PTPRD: variants seen among roughly 807,000 people sequenced by gnomAD.
PTPRD encodes protein tyrosine phosphatase receptor type D, also known as receptor-type tyrosine-protein phosphatase delta.
In PTPRD, 34 loss-of-function variants were observed where a neutral mutation model predicts 214.5. That is an observed-to-expected ratio of 0.16 (90% CI 0.12 to 0.21). PTPRD has a LOEUF of 0.21. PTPRD is among the 10% of genes least tolerant of loss of function. The probability of loss-of-function intolerance (pLI) is 1.00; values close to 1 mark genes in which losing one functional copy is unlikely to be tolerated. For missense variants in PTPRD, 2,545 were observed against 2,398.7 expected, an observed-to-expected ratio of 1.06 and a Z score of -1.27; for synonymous variants, 1,128 against 845.7, an observed-to-expected ratio of 1.33 and a Z score of -5.79.
rs34798342 is a variant in PTPRD, at chr9:9,833,683, A to T, written c.-367-66832T>A. Among the ~76,000 whole-genome samples, 102 of 132,580 alleles carry T rather than the reference A, an allele frequency of 7.7e-4. 6 individuals carry two copies. In the South Asian group the frequency reaches 0.011, roughly 14 times the overall value. The allele number at this position is 132,580 out of a possible 152,430, so 87.0% of individuals were successfully genotyped here. A position where few individuals can be genotyped will look rare whatever the true frequency, so the allele number is the denominator to read the frequency against. On this transcript the variant is annotated intron_variant, in intron 5 of 45. Transcript: ENST00000381196. ...CATAAGAGACAGGTACGCTCCGGAG[A>T]GGGGGGCAGTTCAGAGACCTACCCC...
chr9:8,419,234 TA>T (rs367987989), intron 35 of PTPRD, among the ~76,000 whole-genome samples: 318 of 99,532 alleles, frequency 3.2e-3, no homozygotes, highest in Middle Eastern at 6.3e-3. Context: ...TCCAAAAAAT[TA>T]AAAAAAAAAA....
chr9:8,342,639 G>C (rs930187637), intron 39 of PTPRD, among the ~76,000 whole-genome samples: 1 of 151,958 alleles, frequency 6.6e-6, no homozygotes, highest in East Asian at 1.9e-4. Context: ...TCCTTCATTT[G>C]CTACATGCTA....
intron 11 of PTPRD, among the ~76,000 whole-genome samples, chr9:8,736,163 T>C (rs982881535): frequency 4.6e-5 from 7 of 152,134 alleles, no homozygotes; most frequent in African/African-American, 1.2e-4. Context: ...TTAAGAGTAA[T>C]GGTGGTACTG....
intron 9 of PTPRD, among the ~76,000 whole-genome samples, chr9:9,365,256 T>C (rs1031148004): frequency 1.3e-5 from 2 of 151,532 alleles, no homozygotes; most frequent in African/African-American, 4.8e-5. Context: ...ACCAGAGATA[T>C]TGACTAAGCC....
intron 11 of PTPRD, among the ~76,000 whole-genome samples, chr9:8,996,302 G>A (rs2099396401): frequency 6.6e-6 from 1 of 151,932 alleles, no homozygotes; most frequent in Admixed American, 6.6e-5. Flanking sequence ...AAACAAAAAT[G>A]AACTACTGAT....
At chr9:8,571,403 A>G (rs889877106) in intron 14 of PTPRD, among the ~76,000 whole-genome samples, 1 of 152,144 alleles carries the variant, frequency 6.6e-6, no homozygotes, top group Non-Finnish European at 1.5e-5. Context: ...ATTTAAAATA[A>G]TAACAAAAAC....
At chr9:8,944,886 T>C (rs1261758752) in intron 11 of PTPRD, among the ~76,000 whole-genome samples, 1 of 152,012 alleles carries the variant, frequency 6.6e-6, no homozygotes, top group Non-Finnish European at 1.5e-5. Flanking sequence ...TTTCAAATAA[T>C]TGAGGGAGTA....
chr9:10,528,185 T>C (rs1399297145), intron 2 of PTPRD, among the ~76,000 whole-genome samples: 2 of 152,090 alleles, frequency 1.3e-5, no homozygotes, highest in Non-Finnish European at 2.9e-5. Flanking sequence ...TTTCTTACTG[T>C]TCTCATCATG....
chr9:10,086,527 T>C (rs140676406), intron 3 of PTPRD, among the ~76,000 whole-genome samples: 24 of 151,942 alleles, frequency 1.6e-4, no homozygotes, highest in African/African-American at 5.8e-4. Flanking sequence ...GAAATCTCTG[T>C]CCCTTTCTAG....
intron 5 of PTPRD, among the ~76,000 whole-genome samples, chr9:9,934,345 G>A (rs1209282361): frequency 6.6e-6 from 1 of 150,424 alleles, no homozygotes; most frequent in African/African-American, 2.5e-5. Flanking sequence ...TAATAAAGAA[G>A]AAAAGAGAGA....
intron 10 of PTPRD, among the ~76,000 whole-genome samples, chr9:9,167,881 G>C (rs1036076737): frequency 2.0e-5 from 3 of 152,028 alleles, no homozygotes; most frequent in African/African-American, 7.2e-5. Flanking sequence ...TTATTTACTG[G>C]AGAGACATTG....
Position 9,888,484 on chromosome 9 carries a change from A to G in PTPRD, c.-368+50023T>C, listed in dbSNP as rs557287132. Among the ~76,000 whole-genome samples the G allele has an allele frequency of 4.0e-4, 61 of 152,068 alleles. No individual in the cohort carries two copies. In the East Asian group the frequency reaches 9.9e-3, roughly 25 times the overall value. Reference sequence around the variant, plus strand: ...TAGGTGGTGTTTGGGTCATGGGGAGAGGGTTCCCTTGTGAATGGCTTGGTG... The same window carrying G: ...TAGGTGGTGTTTGGGTCATGGGGAGGGGGTTCCCTTGTGAATGGCTTGGTG... On this transcript the variant is annotated intron_variant, in intron 5 of 45. Transcript: ENST00000381196.
At chr9:8,324,728 G>C (rs1831878244) in intron 44 of PTPRD, among the ~76,000 whole-genome samples, 1 of 152,124 alleles carries the variant, frequency 6.6e-6, no homozygotes, top group Non-Finnish European at 1.5e-5. Context: ...CAGTGTAAAA[G>C]CATTCCTATT....
chr9:10,525,932 A>T (rs2054150497), intron 2 of PTPRD, among the ~76,000 whole-genome samples: 1 of 152,122 alleles, frequency 6.6e-6, no homozygotes, highest in Non-Finnish European at 1.5e-5. Context: ...TATCCAAGAC[A>T]TAGTTACTAA....
chr9:9,185,588 C>T (rs1006368944), intron 9 of PTPRD, among the ~76,000 whole-genome samples: 1 of 152,086 alleles, frequency 6.6e-6, no homozygotes, highest in Non-Finnish European at 1.5e-5. Context: ...GATCTCCTGG[C>T]TTCCTTTCTG....
chr9:9,326,504 T>C (rs2039962138), intron 9 of PTPRD, among the ~76,000 whole-genome samples: 1 of 152,044 alleles, frequency 6.6e-6, no homozygotes, highest in Non-Finnish European at 1.5e-5. Flanking sequence ...GCAAAGCTAG[T>C]AAGTGAGGGG....
chr9:10,310,909 G>T (rs2096250217), intron 3 of PTPRD, among the ~76,000 whole-genome samples: 1 of 152,012 alleles, frequency 6.6e-6, no homozygotes, highest in African/African-American at 2.4e-5. Flanking sequence ...TTGAGAACAA[G>T]CTGCTTGTTC....
chr9:8,352,011 A>C (rs956499003), intron 39 of PTPRD, among the ~76,000 whole-genome samples: 4 of 152,032 alleles, frequency 2.6e-5, no homozygotes, highest in Non-Finnish European at 5.9e-5. Context: ...ATGCTGGGTG[A>C]AAAGGTAATT....
chr9:10,416,112 C>T (rs986321292), intron 2 of PTPRD, among the ~76,000 whole-genome samples: 1 of 151,690 alleles, frequency 6.6e-6, no homozygotes, highest in South Asian at 2.1e-4. Flanking sequence ...CTTTGAGAGG[C>T]CGAGGCGGGC....
Sources: allele counts gnomAD v4.1 joint callset (sites outside exome capture counted in the v4.1 genomes callset), GRCh38; gene constraint gnomAD v4.1.1; transcripts MANE v1.5; gene names NCBI Gene and HGNC (gene_info 2026-07-23, HGNC 2026-07-21).